MYO16: variants seen among roughly 807,000 people sequenced by gnomAD.
MYO16 encodes the protein myosin XVI.
In MYO16, 94 loss-of-function variants were observed where a neutral mutation model predicts 205.3. That is an observed-to-expected ratio of 0.46 (90% CI 0.39 to 0.54). MYO16 has a LOEUF of 0.54. Ranked by LOEUF, MYO16 falls within the 20% of genes least tolerant of loss-of-function variation. MYO16 has a pLI of 0.00. For synonymous variants in MYO16, 988 were observed against 954.0 expected (o/e 1.04, Z -0.66); for missense variants, 2,315 against 2,387.5 (o/e 0.97, Z 0.63).
Position 109,141,035 on chromosome 13 carries a change from C to G in MYO16, c.4823C>G (p.Pro1608Arg). 1 of 1,328,606 alleles carries G rather than the reference C, an allele frequency of 7.5e-7. No homozygotes were observed. The highest frequency in any genetic ancestry group is 9.6e-7 in the Non-Finnish European group (1 of 1,041,858). The allele number at this position is 1,328,606 out of a possible 1,614,324, so 82.3% of individuals were successfully genotyped here. The change falls in exon 32 of 35, where the codon CCC becomes CGC. Residue 1608 changes from proline to arginine, a missense_variant. Physicochemically the swap from Pro to Arg is moderately radical, Grantham distance 103. Coordinates refer to ENST00000457511, the MANE Select transcript of MYO16 (RefSeq NM_001198950.3). The surrounding 1 kb of genome is among the most constrained non-coding windows in gnomAD (Gnocchi z 4.1). Reference protein sequence around the residue: ...PPPPPGPPPAPYRPCAHLAFP... With the variant: ...PPPPPGPPPARYRPCAHLAFP... ...CCCCCGCCCGGGCCGCCCCCCGCGC[C>G]CTACAGGCCCTGCGCGCACTTGGCC...
intron 5 of MYO16, among the ~76,000 whole-genome samples, chr13:108,789,988 C>T (rs1886568137): frequency 6.6e-6 from 1 of 152,162 alleles, no homozygotes; most frequent in African/African-American, 2.4e-5. Context: ...GTGTCACCTA[C>T]ACTAAGCTGA....
intron 15 of MYO16, among the ~76,000 whole-genome samples, chr13:108,904,135 C>G (rs1024267112): frequency 1.3e-5 from 2 of 152,096 alleles, no homozygotes; most frequent in African/African-American, 4.8e-5. Flanking sequence ...CCAGGCTCAG[C>G]TTTATGAAAC....
chr13:109,173,576 G>T (rs994663487), intron 33 of MYO16, among the ~76,000 whole-genome samples: 1 of 152,152 alleles, frequency 6.6e-6, no homozygotes, highest in African/African-American at 2.4e-5. Context: ...TTATGTAGGA[G>T]TCTACAGAGC....
chr13:108,586,337 A>G, the MYO16 span, among the ~76,000 whole-genome samples: 1 of 151,688 alleles, frequency 6.6e-6, no homozygotes, highest in African/African-American at 2.4e-5. Context: ...TCCTTATTTG[A>G]CTATTTTTTT....
At chr13:108,571,288 T>C in the MYO16 span, among the ~76,000 whole-genome samples, 20 of 150,822 alleles carry the variant, frequency 1.3e-4, no homozygotes, top group Non-Finnish European at 2.4e-4. Context: ...GGACTGAGGA[T>C]TAGCCCTGGG....
chr13:109,014,475 T>C (rs1885734095), intron 22 of MYO16, among the ~76,000 whole-genome samples: 1 of 152,174 alleles, frequency 6.6e-6, no homozygotes, highest in Admixed American at 6.5e-5. Context: ...ATATGAACTT[T>C]AAAGTAGTTT....
chr13:109,106,720 C>A lies in MYO16; in HGVS notation c.3438+5833C>A, dbSNP rs537663412. Among the ~76,000 whole-genome samples, 20 of 152,268 alleles carry A rather than the reference C, an allele frequency of 1.3e-4. No individual in the cohort carries two copies. The South Asian group carries it at 4.1e-3, about 32-fold the overall frequency. Reference sequence around the variant, plus strand: ...GGTGCTGCTTCGGAACACAGGCACTCACACAGCACTGGGAGAGTCGAGAGG... The same window carrying A: ...GGTGCTGCTTCGGAACACAGGCACTAACACAGCACTGGGAGAGTCGAGAGG... On this transcript the variant is annotated intron_variant, in intron 28 of 34. Coordinates refer to ENST00000457511, the MANE Select transcript of MYO16 (RefSeq NM_001198950.3).
At chr13:108,630,959 C>A (rs531346370) in intron 1 of MYO16, among the ~76,000 whole-genome samples, 8 of 152,278 alleles carry the variant, frequency 5.3e-5, no homozygotes, top group Admixed American at 4.6e-4. Flanking sequence ...TGTTGCAGAA[C>A]AATTTCAATT....
intron 27 of MYO16, among the ~76,000 whole-genome samples, chr13:109,085,729 C>T (rs576311114): frequency 7.2e-5 from 11 of 152,096 alleles, no homozygotes; most frequent in South Asian, 4.1e-4. Context: ...GGAGCACATA[C>T]GCTTAGTGGG....
chr13:108,889,804 A>G (rs1226914031), intron 14 of MYO16, among the ~76,000 whole-genome samples: 1 of 152,194 alleles, frequency 6.6e-6, no homozygotes, highest in Non-Finnish European at 1.5e-5. Context: ...CCTAATCTCC[A>G]TACTGCCTCT....
At chr13:109,030,786 A>G (rs1298465042) in intron 23 of MYO16, among the ~76,000 whole-genome samples, 2 of 152,052 alleles carry the variant, frequency 1.3e-5, no homozygotes, top group African/African-American at 4.8e-5. Context: ...CTCCCTACCC[A>G]TCTCCCACTC....
At chr13:109,128,240 CTCTT>C (rs1214268500) in intron 31 of MYO16, among the ~76,000 whole-genome samples, 5 of 152,218 alleles carry the variant, frequency 3.3e-5, no homozygotes, top group African/African-American at 4.8e-5. Context: ...GCATGTCTGT[CTCTT>C]TCTTCATGGA....
At chr13:108,529,161 T>G in the MYO16 span, among the ~76,000 whole-genome samples, 1 of 152,174 alleles carries the variant, frequency 6.6e-6, no homozygotes, top group African/African-American at 2.4e-5. Flanking sequence ...TTTAACTATA[T>G]ATTTCCTTAT....
At chr13:109,018,962 G>GT (rs766574271) in intron 22 of MYO16, among the ~76,000 whole-genome samples, 11,369 of 140,844 alleles carry the variant, frequency 0.081, 469 homozygotes, top group Non-Finnish European at 0.1. Context: ...GACATACTCT[G>GT]TTTTTTTTTT....
chr13:109,100,737 T>G, intron 27 of MYO16, 48 bp from the exon 28 acceptor site: 5 of 1,462,238 alleles, frequency 3.4e-6, no homozygotes, highest in Non-Finnish European at 4.8e-6. Flanking sequence ...TGTGATCATG[T>G]GCTTGGCAAA....
At chr13:108,806,423 G>A (rs1260718665) in intron 6 of MYO16, among the ~76,000 whole-genome samples, 1 of 152,182 alleles carries the variant, frequency 6.6e-6, no homozygotes, top group African/African-American at 2.4e-5. Context: ...AACTCGGAGG[G>A]GGATGGGAGT....
intron 16 of MYO16, among the ~76,000 whole-genome samples, chr13:108,949,989 CA>C (rs201871028): frequency 0.015 from 1,988 of 133,836 alleles, 34 homozygotes; most frequent in African/African-American, 0.043. Context: ...GCAAAACAAG[CA>C]AAAAAAAAAA....
the MYO16 span, among the ~76,000 whole-genome samples, chr13:108,542,712 C>T: frequency 2.6e-5 from 4 of 151,998 alleles, no homozygotes; most frequent in Admixed American, 2.0e-4. Flanking sequence ...TCCATAATAA[C>T]AGAAGAAAAT....
At chr13:108,993,383 C>T (rs1225639922) in intron 21 of MYO16, among the ~76,000 whole-genome samples, 3 of 152,032 alleles carry the variant, frequency 2.0e-5, no homozygotes, top group Non-Finnish European at 4.4e-5. Context: ...AACAGGTTCT[C>T]GTGTCAGTTA....
Sources: gnomAD v4.1 joint callset for allele counts (sites outside exome capture counted in the v4.1 genomes callset) on GRCh38, gnomAD v4.1.1 for gene constraint, Gnocchi (gnomAD v3.1) non-coding constraint, MANE v1.5 for transcripts, NCBI Gene and HGNC (gene_info 2026-07-23, HGNC 2026-07-21) for gene names.